Variants in MPP7 observed in about 807,000 individuals in gnomAD.
MPP7 encodes MAGUK p55 subfamily member 7.
A neutral mutation model predicts 76.5 loss-of-function variants in MPP7; 60 were observed. The ratio of observed to expected loss-of-function variants is 0.78; its 90% CI spans 0.64 to 0.97. The LOEUF is 0.97. MPP7 is among the 50% of genes least tolerant of loss of function. MPP7 has a pLI of 0.00. For missense variants in MPP7, 641 were observed against 694.0 expected (o/e 0.92, Z 0.86); for synonymous variants, 237 against 244.5 (o/e 0.97, Z 0.29).
Position 28,187,448 on chromosome 10 carries a change from G to A in MPP7, c.156+14705C>T, listed in dbSNP as rs149977621. 4.4e-3 allele frequency among the ~76,000 whole-genome samples: 674 copies of A among 152,294 alleles called. 4 individuals are homozygous for A. Among genetic ancestry groups the A allele is most frequent in the African/African-American group, 0.015 (604 of 41,566 alleles). On this transcript the variant is annotated intron_variant, in intron 3 of 16. Coordinates refer to ENST00000683449, the MANE Select transcript of MPP7 (RefSeq NM_001318170.2). ...AATTACCTTTGATTGGCCAAGGAGC[G>A]TTACCAGCTGCTGCTACCCAAGTCT...
intron 1 of MPP7, among the ~76,000 whole-genome samples, chr10:28,242,285 C>A (rs1564727706): frequency 1.3e-5 from 2 of 152,138 alleles, no homozygotes; most frequent in African/African-American, 2.4e-5. Context: ...TCACCAGATA[C>A]ACATACTCAA....
At chr10:28,244,428 T>TTA (rs1554856977) in intron 1 of MPP7, among the ~76,000 whole-genome samples, 1 of 152,096 alleles carries the variant, frequency 6.6e-6, no homozygotes, top group Non-Finnish European at 1.5e-5. Flanking sequence ...AAAAACAGAC[T>TTA]TACAACTGGC....
At chr10:28,199,148 T>C (rs779029910) in intron 3 of MPP7, among the ~76,000 whole-genome samples, 2 of 152,044 alleles carry the variant, frequency 1.3e-5, no homozygotes, top group East Asian at 3.9e-4. Context: ...ACTTATTCAC[T>C]ACCATGAGAA....
intron 12 of MPP7, among the ~76,000 whole-genome samples, chr10:28,070,057 T>C (rs544124061): frequency 4.6e-5 from 7 of 152,284 alleles, no homozygotes; most frequent in Admixed American, 4.6e-4. Context: ...AATCCTCACC[T>C]TTTCCTCAAA....
intron 6 of MPP7, among the ~76,000 whole-genome samples, chr10:28,125,858 C>T (rs1034481871): frequency 6.6e-6 from 1 of 152,270 alleles, no homozygotes; most frequent in South Asian, 2.1e-4. Flanking sequence ...AAATTAACTG[C>T]TGCCTTGTAA....
chr10:28,110,815 A>G (rs1455474344), intron 11 of MPP7, among the ~76,000 whole-genome samples: 2 of 152,202 alleles, frequency 1.3e-5, no homozygotes, highest in Non-Finnish European at 2.9e-5. Context: ...ACGTCTGTCA[A>G]TACATTTGAA....
chr10:28,150,079 A>G lies in MPP7; in HGVS notation c.157-20T>C. The stretch of plus-strand genomic sequence containing the variant: ...ATGAATCTGGAAGAAAATCAAATGC[A>G]TATAAGTTCACCTGCTAGCAAACAA... On this transcript the variant is annotated intron_variant, in intron 3 of 16. Transcript: ENST00000683449. The G allele has an allele frequency of 6.3e-7, 1 of 1,576,070 alleles. No homozygotes were observed. The highest frequency in any genetic ancestry group is 1.3e-5 in the African/African-American group (1 of 74,234).
At chr10:28,236,870 C>A (rs1041766415) in intron 2 of MPP7, 1 of 152,146 alleles carries the variant, frequency 6.6e-6, no homozygotes, top group Admixed American at 6.5e-5. Context: ...TTGCAAACAT[C>A]TGATGCATAC....
At chr10:28,078,023 T>C (rs1852580666) in intron 12 of MPP7, among the ~76,000 whole-genome samples, 1 of 152,204 alleles carries the variant, frequency 6.6e-6, no homozygotes, top group Non-Finnish European at 1.5e-5. Context: ...GGTGAGGTAA[T>C]TTCCCAAAGG....
chr10:28,272,419 G>GT (rs1401189212), intron 1 of MPP7, among the ~76,000 whole-genome samples: 2 of 152,088 alleles, frequency 1.3e-5, no homozygotes, highest in Non-Finnish European at 2.9e-5. Context: ...TACATATATT[G>GT]TGTGTGCATA....
At chr10:28,237,928 T>C (rs137927480) in intron 2 of MPP7, among the ~76,000 whole-genome samples, 101 of 152,328 alleles carry the variant, frequency 6.6e-4, no homozygotes, top group Non-Finnish European at 1.2e-3. Flanking sequence ...TTCTACTTCC[T>C]GAATCAGATC....
At chr10:28,238,005 A>G (rs1162995142) in intron 2 of MPP7, among the ~76,000 whole-genome samples, 1 of 152,044 alleles carries the variant, frequency 6.6e-6, no homozygotes, top group African/African-American at 2.4e-5. Context: ...ATAAATACCT[A>G]TTCTAGGTAT....
At chr10:28,328,300 G>A (rs1266452443) in intron 2 of MPP7, among the ~76,000 whole-genome samples, 2 of 152,038 alleles carry the variant, frequency 1.3e-5, no homozygotes, top group Non-Finnish European at 2.9e-5. Flanking sequence ...TTTAAATTTT[G>A]AATCTCTTGA....
chr10:28,218,029 CT>C (rs1253242563), intron 2 of MPP7, among the ~76,000 whole-genome samples: 1 of 152,184 alleles, frequency 6.6e-6, no homozygotes, highest in Non-Finnish European at 1.5e-5. Flanking sequence ...CTCATGGAGA[CT>C]TTACGCCTAA....
At chr10:28,098,386 G>A (rs1046930617) in intron 11 of MPP7, among the ~76,000 whole-genome samples, 1 of 151,820 alleles carries the variant, frequency 6.6e-6, no homozygotes, top group Non-Finnish European at 1.5e-5. Context: ...TATAAAGACT[G>A]TTATGGATAC....
chr10:28,291,082 T>C (rs1371640961), intron 1 of MPP7, among the ~76,000 whole-genome samples: 2 of 152,248 alleles, frequency 1.3e-5, no homozygotes, highest in African/African-American at 4.8e-5. Context: ...CAGTTTAGGA[T>C]GTTTCTAGTA....
chr10:28,292,285 A>G (rs541146700), intron 1 of MPP7, among the ~76,000 whole-genome samples: 1 of 152,324 alleles, frequency 6.6e-6, no homozygotes, highest in Admixed American at 6.5e-5. Flanking sequence ...CATTTCTCAG[A>G]ACATATCCCT....
chr10:28,154,747 G>GT (rs1344328336), intron 3 of MPP7, among the ~76,000 whole-genome samples: 2 of 141,968 alleles, frequency 1.4e-5, no homozygotes, highest in East Asian at 5.9e-4. Context: ...AGTTGGGGTG[G>GT]GGGGTGGTGG....
chr10:28,111,446 A>C (rs879681446), intron 11 of MPP7, among the ~76,000 whole-genome samples: 1 of 152,196 alleles, frequency 6.6e-6, no homozygotes, highest in Non-Finnish European at 1.5e-5. Flanking sequence ...CCAGAACAAA[A>C]ACCTTCAGCA....
Sources: allele counts gnomAD v4.1 joint callset (sites outside exome capture counted in the v4.1 genomes callset), GRCh38; gene constraint gnomAD v4.1.1; transcripts MANE v1.5; gene names NCBI Gene and HGNC (gene_info 2026-07-23, HGNC 2026-07-21).